KIF6: variants seen among roughly 807,000 people sequenced by gnomAD.
The protein encoded by KIF6 is kinesin-like protein KIF6.
KIF6 carries 106 observed loss-of-function variants against 112.7 expected under a neutral mutation model. The observed-to-expected ratio is 0.94, with a 90% CI of 0.80 to 1.11. The LOEUF is 1.11. Among genes scored for constraint, KIF6 ranks in the 50% least tolerant of loss-of-function variants. The pLI, the probability that KIF6 is intolerant of heterozygous loss-of-function variation, is 0.00. For synonymous variants in KIF6, 339 were observed against 339.9 expected (o/e 1.00, Z 0.03); for missense variants, 929 against 964.0 (o/e 0.96, Z 0.48).
intron 13 of KIF6, among the ~76,000 whole-genome samples, chr6:39,531,387 G>A (rs1778051481): frequency 6.6e-6 from 1 of 152,132 alleles, no homozygotes; most frequent in South Asian, 2.1e-4. Context: ...TGGGGAAGAA[G>A]AATTATGAGA....
At position 39,625,776 on chromosome 6, in the gene KIF6, G is replaced by T. The variant is rs75756755; in HGVS notation, c.509+9073C>A. ...AAAATGTGTAGGCCAAACAAAACAG[G>T]TTTAGGGCTGACACAAGGAGGGTCC... On this transcript the variant is annotated intron_variant, in intron 5 of 22. Coordinates refer to ENST00000287152, the MANE Select transcript of KIF6 (RefSeq NM_145027.6). 2.9e-3 allele frequency among the ~76,000 whole-genome samples: 434 copies of T among 152,228 alleles called. 1 individual carries two copies. The highest frequency in any genetic ancestry group is 9.9e-3 in the African/African-American group (413 of 41,546).
At chr6:39,703,430 T>A (rs1368130832) in intron 3 of KIF6, among the ~76,000 whole-genome samples, 1 of 152,142 alleles carries the variant, frequency 6.6e-6, no homozygotes, top group Non-Finnish European at 1.5e-5. Flanking sequence ...AAAATGGGAA[T>A]AATAATATCT....
At chr6:39,594,029 G>A (rs1427976337) in intron 7 of KIF6, among the ~76,000 whole-genome samples, 3 of 152,088 alleles carry the variant, frequency 2.0e-5, no homozygotes, top group Non-Finnish European at 4.4e-5. Flanking sequence ...ACAGCCCTCA[G>A]CACATGGTAG....
At chr6:39,376,865 G>A (rs1234928365) in intron 16 of KIF6, among the ~76,000 whole-genome samples, 2 of 152,116 alleles carry the variant, frequency 1.3e-5, no homozygotes, top group African/African-American at 4.8e-5. Flanking sequence ...TCAAATACAA[G>A]CTTAATGGAA....
chr6:39,594,740 TC>T (rs985619439), intron 7 of KIF6, among the ~76,000 whole-genome samples: 47 of 152,310 alleles, frequency 3.1e-4, no homozygotes, highest in Admixed American at 5.2e-4. Flanking sequence ...TTTATTTTTT[TC>T]CCCTCTAATC....
Position 39,581,619 on chromosome 6 carries a change from C to T in KIF6, c.1077+3279G>A, listed in dbSNP as rs940640304. 3.9e-5 allele frequency among the ~76,000 whole-genome samples: 6 copies of T among 151,954 alleles called. No individual in the cohort carries two copies. In the East Asian group the frequency reaches 7.7e-4, roughly 20 times the overall value. On this transcript the variant is annotated intron_variant, in intron 9 of 22. Coordinates refer to ENST00000287152, the MANE Select transcript of KIF6 (RefSeq NM_145027.6). The stretch of plus-strand genomic sequence containing the variant: ...GTTTTACCTATAGTCCATTTGAAAG[C>T]GGACAAGCTGCCCTGACATCTCCAT...
At chr6:39,369,587 C>G (rs1278856809) in intron 16 of KIF6, among the ~76,000 whole-genome samples, 2 of 152,194 alleles carry the variant, frequency 1.3e-5, no homozygotes, top group Admixed American at 1.3e-4. Context: ...CTGTGGGCCT[C>G]TCTGTCCAAG....
chr6:39,511,894 T>A, intron 13 of KIF6, among the ~76,000 whole-genome samples: 1 of 152,064 alleles, frequency 6.6e-6, no homozygotes, highest in East Asian at 1.9e-4. Flanking sequence ...AGTTGAACAA[T>A]GAAAACACAT....
chr6:39,723,112 C>A (rs1042808800), intron 1 of KIF6, among the ~76,000 whole-genome samples: 1 of 152,142 alleles, frequency 6.6e-6, no homozygotes, highest in African/African-American at 2.4e-5. Context: ...ATACAATACA[C>A]TTTTTACATA....
intron 5 of KIF6, among the ~76,000 whole-genome samples, chr6:39,616,022 A>G (rs1432073824): frequency 6.6e-6 from 1 of 152,226 alleles, no homozygotes; most frequent in East Asian, 1.9e-4. Context: ...CCTAATACCT[A>G]TATCTCTCAC....
intron 13 of KIF6, among the ~76,000 whole-genome samples, chr6:39,483,458 T>G (rs1345515180): frequency 6.6e-6 from 1 of 152,192 alleles, no homozygotes; most frequent in Non-Finnish European, 1.5e-5. Flanking sequence ...TTAAAAAGAT[T>G]TCCCACCTGA....
At chr6:39,380,099 G>T (rs902953937) in intron 16 of KIF6, among the ~76,000 whole-genome samples, 1 of 152,196 alleles carries the variant, frequency 6.6e-6, no homozygotes, top group Non-Finnish European at 1.5e-5. Context: ...CAGTAAAGTG[G>T]TAAAAACACA....
intron 14 of KIF6, among the ~76,000 whole-genome samples, chr6:39,420,568 C>T (rs1770284314): frequency 6.6e-6 from 1 of 152,138 alleles, no homozygotes; most frequent in Non-Finnish European, 1.5e-5. Context: ...ACTGCGTGGC[C>T]TACAGGGCTG....
intron 13 of KIF6, among the ~76,000 whole-genome samples, chr6:39,431,678 A>G (rs10484825): frequency 0.074 from 11,193 of 152,166 alleles, 585 homozygotes; most frequent in African/African-American, 0.14. Context: ...GCTCTTCTTC[A>G]GGAGTTAGGT....
intron 13 of KIF6, among the ~76,000 whole-genome samples, chr6:39,515,978 C>T (rs1777065544): frequency 3.3e-5 from 5 of 152,282 alleles, no homozygotes; most frequent in Admixed American, 1.3e-4. Flanking sequence ...CCAAAATCCA[C>T]AATGCTCCAA....
At chr6:39,492,130 T>C (rs1268297896) in intron 13 of KIF6, among the ~76,000 whole-genome samples, 1 of 152,218 alleles carries the variant, frequency 6.6e-6, no homozygotes, top group Non-Finnish European at 1.5e-5. Flanking sequence ...AGTACCTCTC[T>C]GACCCTTTAG....
intron 13 of KIF6, among the ~76,000 whole-genome samples, chr6:39,534,056 A>G (rs1294947493): frequency 1.3e-5 from 2 of 152,266 alleles, no homozygotes; most frequent in Non-Finnish European, 2.9e-5. Flanking sequence ...CCAAAAACCC[A>G]TCTGTACATC....
intron 13 of KIF6, among the ~76,000 whole-genome samples, chr6:39,436,777 T>C (rs973222291): frequency 3.9e-5 from 6 of 152,198 alleles, no homozygotes; most frequent in African/African-American, 1.4e-4. Context: ...AGCTTTGTAG[T>C]GTAATTTGAA....
chr6:39,449,107 C>G (rs977810708), intron 13 of KIF6, among the ~76,000 whole-genome samples: 1 of 152,192 alleles, frequency 6.6e-6, no homozygotes, highest in Non-Finnish European at 1.5e-5. Flanking sequence ...TAACCCAAGT[C>G]GTTGCCATTT....
Sources: gnomAD v4.1 joint callset for allele counts (sites outside exome capture counted in the v4.1 genomes callset) on GRCh38, gnomAD v4.1.1 for gene constraint, MANE v1.5 for transcripts, NCBI Gene and HGNC (gene_info 2026-07-23, HGNC 2026-07-21) for gene names.